Variants in ZRANB3 observed in about 807,000 individuals in gnomAD.
ZRANB3 encodes zinc finger RANBP2-type containing 3.
Under a neutral mutation model 133.8 loss-of-function variants are expected in ZRANB3, and 125 were observed. That is an observed-to-expected ratio of 0.93 (90% CI 0.81 to 1.08). The LOEUF (loss-of-function observed/expected upper bound fraction) is 1.08, where lower values mean the gene tolerates loss of function less well. Among genes scored for constraint, ZRANB3 ranks in the 50% least tolerant of loss-of-function variants. The pLI, the probability that ZRANB3 is intolerant of heterozygous loss-of-function variation, is 0.00. For missense variants in ZRANB3, 1,229 were observed against 1,275.5 expected, an observed-to-expected ratio of 0.96 and a Z score of 0.56; for synonymous variants, 387 against 432.7, an observed-to-expected ratio of 0.89 and a Z score of 1.31.
chr2:135,512,388 C>G (rs1467344606), intron 1 of ZRANB3, among the ~76,000 whole-genome samples: 1 of 151,256 alleles, frequency 6.6e-6, no homozygotes, highest in East Asian at 1.9e-4. Context: ...TCAGAAACAA[C>G]AAGTAAATGG....
chr2:135,528,951 A>G (rs377406235), intron 1 of ZRANB3, among the ~76,000 whole-genome samples: 1 of 152,370 alleles, frequency 6.6e-6, no homozygotes, highest in African/African-American at 2.4e-5. Flanking sequence ...CCAAATAAAC[A>G]TACAAAATGT....
At chr2:135,412,319 T>C (rs1361126696) in intron 2 of ZRANB3, among the ~76,000 whole-genome samples, 1 of 152,194 alleles carries the variant, frequency 6.6e-6, no homozygotes, top group East Asian at 1.9e-4. Flanking sequence ...ACTCAGTTTG[T>C]AACAAAACTA....
At chr2:135,314,382 T>C (rs948928024) in intron 7 of ZRANB3, among the ~76,000 whole-genome samples, 2 of 152,172 alleles carry the variant, frequency 1.3e-5, no homozygotes, top group Admixed American at 1.3e-4. Flanking sequence ...GATAAGAAAA[T>C]CAGATTGTTC....
Position 135,200,354 on chromosome 2 carries a change from CA to C in ZRANB3, c.3227del (p.Leu1076TrpfsTer2), listed in dbSNP as rs773527605. ...SKHGSDITRF[L>X]VKK is the part of the protein sequence containing the mutation. ...ATATTTTTCTACTTTACTTCTTTAC[CA>C]AAAATCGTGTGATGTCTGATCCATG... is the stretch of plus-strand genomic sequence containing the variant. On this transcript the variant is annotated frameshift_variant, in exon 21 of 21. Coordinates refer to ENST00000264159, the MANE Select transcript of ZRANB3 (RefSeq NM_032143.4). LOFTEE classifies it high-confidence loss of function. 18 of 1,597,154 alleles carry C rather than the reference CA, an allele frequency of 1.1e-5. No homozygotes were observed. The highest frequency in any genetic ancestry group is 1.4e-5 in the Non-Finnish European group (16 of 1,171,044).
At chr2:135,476,735 A>C in intron 2 of ZRANB3, among the ~76,000 whole-genome samples, 1 of 134,594 alleles carries the variant, frequency 7.4e-6, no homozygotes, top group Non-Finnish European at 1.5e-5. Context: ...ACTGGGTCTC[A>C]CTCTGTCTCC....
intron 2 of ZRANB3, among the ~76,000 whole-genome samples, chr2:135,452,049 G>C (rs1462717398): frequency 6.6e-6 from 1 of 152,150 alleles, no homozygotes; most frequent in Non-Finnish European, 1.5e-5. Flanking sequence ...TCATGCTGCT[G>C]ATAAAGATAT....
At chr2:135,480,684 T>C (rs1691747076) in intron 2 of ZRANB3, among the ~76,000 whole-genome samples, 1 of 151,384 alleles carries the variant, frequency 6.6e-6, no homozygotes, top group African/African-American at 2.4e-5. Flanking sequence ...TACATATGTA[T>C]ACATGTGCCA....
At chr2:135,264,920 T>C (rs1186214322) in intron 12 of ZRANB3, among the ~76,000 whole-genome samples, 1 of 152,056 alleles carries the variant, frequency 6.6e-6, no homozygotes, top group Non-Finnish European at 1.5e-5. Context: ...AGCTAATTTT[T>C]GTATTTTTAG....
At chr2:135,386,883 C>T (rs993731105) in intron 3 of ZRANB3, among the ~76,000 whole-genome samples, 5 of 151,738 alleles carry the variant, frequency 3.3e-5, no homozygotes, top group Admixed American at 6.6e-5. Flanking sequence ...GGAGAAATAC[C>T]TAATGTAAAT....
At chr2:135,418,451 G>T (rs1162658689) in intron 2 of ZRANB3, among the ~76,000 whole-genome samples, 4 of 151,538 alleles carry the variant, frequency 2.6e-5, no homozygotes. Flanking sequence ...GCATTTAGAG[G>T]TTTTTTTTTA....
chr2:135,324,815 C>T (rs922350903), intron 6 of ZRANB3, among the ~76,000 whole-genome samples: 2 of 152,010 alleles, frequency 1.3e-5, no homozygotes, highest in African/African-American at 4.8e-5. Context: ...TTTTGATTTG[C>T]ATTTCTCTGA....
At chr2:135,523,272 C>T (rs542017142) in intron 1 of ZRANB3, among the ~76,000 whole-genome samples, 5 of 152,202 alleles carry the variant, frequency 3.3e-5, no homozygotes, top group South Asian at 2.1e-4. Context: ...CTTTTCCCCC[C>T]CAAGTTCCAC....
At chr2:135,313,725 A>C (rs775732198) in intron 7 of ZRANB3, 120 bp from the exon 8 acceptor site, 6 of 559,388 alleles carry the variant, frequency 1.1e-5, no homozygotes, top group Non-Finnish European at 1.8e-5. Flanking sequence ...TAAAAAGAAA[A>C]TCCCCAAAGA....
chr2:135,467,423 T>G (rs1048962943), intron 2 of ZRANB3, among the ~76,000 whole-genome samples: 1 of 152,200 alleles, frequency 6.6e-6, no homozygotes, highest in Admixed American at 6.5e-5. Context: ...GGCCAATACA[T>G]GAGATAAATT....
In ZRANB3 at chr2:135,511,529, C is replaced by T. The variant is rs535581339; in HGVS notation, c.-7-7033G>A. On this transcript the variant is annotated intron_variant, in intron 1 of 20. Coordinates refer to ENST00000264159, the MANE Select transcript of ZRANB3 (RefSeq NM_032143.4). ...TCCTGAGGCTCAGTGACAAACCCAC[C>T]AAAGACCTCATCTTGCTATCTGAAG... 4.9e-6 allele frequency: 5 copies of T among 1,026,700 alleles called. No homozygotes were observed. The Admixed American group carries it at 8.5e-5, about 17-fold the overall frequency. 63.6% of individuals were successfully genotyped at this position (1,026,700 alleles called of 1,614,324 possible).
At chr2:135,363,946 T>C (rs1685810590) in intron 3 of ZRANB3, among the ~76,000 whole-genome samples, 2 of 152,140 alleles carry the variant, frequency 1.3e-5, no homozygotes, top group Admixed American at 1.3e-4. Flanking sequence ...TGTGCTGGCA[T>C]GTGCCTGTAG....
intron 8 of ZRANB3, among the ~76,000 whole-genome samples, chr2:135,305,444 CA>C (rs1434287034): frequency 6.6e-6 from 1 of 152,154 alleles, no homozygotes; most frequent in African/African-American, 2.4e-5. Flanking sequence ...TGTTTTAAAA[CA>C]ATCCATTCAG....
chr2:135,396,624 C>T lies in ZRANB3; in HGVS notation c.162-5804G>A, dbSNP rs1256794595. On this transcript the variant is annotated intron_variant, in intron 2 of 20. Transcript: ENST00000264159. ...GGAATCCAAAATTAAGACAACTGAA[C>T]TCATGGAGATAGAGAATAGAATGAT... 3.3e-5 allele frequency among the ~76,000 whole-genome samples: 5 copies of T among 152,056 alleles called. No individual in the cohort carries two copies. The East Asian group carries it at 7.7e-4, about 23-fold the overall frequency.
chr2:135,504,362 T>C lies in ZRANB3; in HGVS notation c.128A>G (p.Asp43Gly), dbSNP rs1175105975. Residue 43 changes from aspartate (D) to glycine (G), a missense_variant, in exon 2 of 21, where the codon GAT becomes GGT. Transcript: ENST00000264159. Reference protein sequence around the residue: ...LRAKLLPFQKDGIIFALKRNG... With the variant: ...LRAKLLPFQKGGIIFALKRNG... ...TCTTTTGAGGGCAAAAATGATGCCA[T>C]CTTTCTGGAATGGAAGTAGCTTTGC... 1.9e-6 allele frequency: 3 copies of C among 1,613,624 alleles called. No homozygotes were observed. The highest frequency in any genetic ancestry group is 2.5e-6 in the Non-Finnish European group (3 of 1,179,702).
Sources: gnomAD v4.1 joint callset for allele counts (sites outside exome capture counted in the v4.1 genomes callset) on GRCh38, gnomAD v4.1.1 for gene constraint, MANE v1.5 for transcripts, NCBI Gene and HGNC (gene_info 2026-07-23, HGNC 2026-07-21) for gene names.